Variants in CFAP299 observed in about 807,000 individuals in gnomAD.
CFAP299 encodes the protein cilia- and flagella-associated protein 299.
In CFAP299, 21 loss-of-function variants were observed where a neutral mutation model predicts 27.0. That is an observed-to-expected ratio of 0.78 (90% CI 0.55 to 1.12). The LOEUF is 1.12. Ranked by LOEUF, CFAP299 falls within the 50% of genes most tolerant of loss-of-function variation. The probability of loss-of-function intolerance (pLI) is 0.00; values close to 1 mark genes in which losing one functional copy is unlikely to be tolerated. For synonymous variants in CFAP299, 104 were observed against 98.1 expected (o/e 1.06, Z -0.36); for missense variants, 310 against 276.6 (o/e 1.12, Z -0.86).
chr4:80,901,954 C>T (rs975971308), intron 4 of CFAP299, among the ~76,000 whole-genome samples: 1 of 152,086 alleles, frequency 6.6e-6, no homozygotes, highest in Non-Finnish European at 1.5e-5. Context: ...TTGTTTCTCT[C>T]TCTGTCCTCT....
intron 2 of CFAP299, among the ~76,000 whole-genome samples, chr4:80,573,474 C>A (rs1327834770): frequency 1.3e-5 from 2 of 151,876 alleles, no homozygotes; most frequent in Non-Finnish European, 2.9e-5. Context: ...TGATGTGATC[C>A]CATTTTTCTA....
intron 3 of CFAP299, among the ~76,000 whole-genome samples, chr4:80,663,909 T>A (rs1454255927): frequency 6.6e-6 from 1 of 152,206 alleles, no homozygotes; most frequent in African/African-American, 2.4e-5. Context: ...TTTTTTCATA[T>A]GTTTGTTGGC....
intron 2 of CFAP299, among the ~76,000 whole-genome samples, chr4:80,538,102 C>T (rs1733830561): frequency 6.6e-6 from 1 of 151,974 alleles, no homozygotes; most frequent in South Asian, 2.1e-4. Flanking sequence ...GACATCGTAG[C>T]TATTGTAACA....
intron 3 of CFAP299, among the ~76,000 whole-genome samples, chr4:80,861,083 G>A (rs1001727876): frequency 1.3e-5 from 2 of 152,220 alleles, no homozygotes. Context: ...GCTTTCAGCT[G>A]CTTTGTTTAC....
intron 3 of CFAP299, among the ~76,000 whole-genome samples, chr4:80,856,831 G>A (rs1473214569): frequency 6.6e-6 from 1 of 152,036 alleles, no homozygotes; most frequent in Non-Finnish European, 1.5e-5. Context: ...TTGAAGTCAG[G>A]TAGCGTGATG....
At chr4:80,892,848 A>T (rs1338433607) in intron 4 of CFAP299, among the ~76,000 whole-genome samples, 1 of 152,140 alleles carries the variant, frequency 6.6e-6, no homozygotes, top group Non-Finnish European at 1.5e-5. Context: ...CAGCGCTTCT[A>T]CTCAATATAG....
At chr4:80,957,932 A>T (rs1407491981) in intron 5 of CFAP299, among the ~76,000 whole-genome samples, 1 of 152,178 alleles carries the variant, frequency 6.6e-6, no homozygotes, top group African/African-American at 2.4e-5. Flanking sequence ...TTTACCATAT[A>T]GGTCACCTTA....
chr4:80,364,954 G>A (rs977708421), intron 2 of CFAP299, among the ~76,000 whole-genome samples: 2 of 152,140 alleles, frequency 1.3e-5, no homozygotes, highest in African/African-American at 4.8e-5. Context: ...TTTTATGGCT[G>A]CATAGTATTC....
intron 2 of CFAP299, among the ~76,000 whole-genome samples, chr4:80,541,904 C>T (rs1176508507): frequency 6.6e-6 from 1 of 151,642 alleles, no homozygotes; most frequent in Admixed American, 6.6e-5. Flanking sequence ...GAGCCGTTAC[C>T]GTGCATGAAC....
chr4:80,856,446 G>T (rs1731894615), intron 3 of CFAP299, among the ~76,000 whole-genome samples: 1 of 151,938 alleles, frequency 6.6e-6, no homozygotes, highest in Non-Finnish European at 1.5e-5. Context: ...TGTTGCCATT[G>T]CTTTTGGTAT....
intron 1 of CFAP299, 107 bp from the exon 2 acceptor site, chr4:80,362,647 A>G: frequency 8.4e-7 from 1 of 1,196,002 alleles, no homozygotes; most frequent in Non-Finnish European, 1.1e-6. Context: ...TTAATTTTTC[A>G]TTTAAAGCAA....
At chr4:80,556,106 A>G (rs1340623664) in intron 2 of CFAP299, among the ~76,000 whole-genome samples, 1 of 152,048 alleles carries the variant, frequency 6.6e-6, no homozygotes, top group African/African-American at 2.4e-5. Flanking sequence ...TATGCAATCA[A>G]CTCCTATTCT....
chr4:80,535,486 C>A (rs1221358229), intron 2 of CFAP299, among the ~76,000 whole-genome samples: 1 of 121,716 alleles, frequency 8.2e-6, no homozygotes, highest in Non-Finnish European at 1.6e-5. Flanking sequence ...CAGAGCGAGA[C>A]TCCGTCTCAA....
intron 2 of CFAP299, among the ~76,000 whole-genome samples, chr4:80,367,387 C>A (rs556058142): frequency 6.6e-6 from 1 of 152,272 alleles, no homozygotes; most frequent in Admixed American, 6.5e-5. Context: ...GTTAATCAGG[C>A]AAAGAGTGGT....
intron 3 of CFAP299, among the ~76,000 whole-genome samples, chr4:80,782,550 CAT>C (rs1376912484): frequency 2.8e-5 from 4 of 141,376 alleles, no homozygotes; most frequent in Non-Finnish European, 3.0e-5. Context: ...GAATATATAA[CAT>C]ATTGATATAT....
chr4:80,851,610 A>T (rs1331688228), intron 3 of CFAP299, among the ~76,000 whole-genome samples: 2 of 152,274 alleles, frequency 1.3e-5, no homozygotes, highest in East Asian at 3.9e-4. Context: ...TGATCCATAA[A>T]GTAGAAGAAA....
chr4:80,821,581 C>T (rs1729708952), intron 3 of CFAP299, among the ~76,000 whole-genome samples: 1 of 152,148 alleles, frequency 6.6e-6, no homozygotes, highest in Non-Finnish European at 1.5e-5. Context: ...CATGTGAAGT[C>T]TTGTCCAAGT....
At chr4:80,480,111 C>A (rs1185511511) in intron 2 of CFAP299, among the ~76,000 whole-genome samples, 1 of 151,544 alleles carries the variant, frequency 6.6e-6, no homozygotes, top group Non-Finnish European at 1.5e-5. Flanking sequence ...GATTTAAAAC[C>A]TTTTATTGTG....
intron 3 of CFAP299, among the ~76,000 whole-genome samples, chr4:80,848,775 C>CA (rs1402435219): frequency 2.0e-5 from 3 of 151,500 alleles, no homozygotes; most frequent in Admixed American, 6.6e-5. Context: ...TACCCTGTCT[C>CA]AAAAAAACAA....
Sources: gnomAD v4.1 joint callset for allele counts (sites outside exome capture counted in the v4.1 genomes callset) on GRCh38, gnomAD v4.1.1 for gene constraint, MANE v1.5 for transcripts, NCBI Gene and HGNC (gene_info 2026-07-23, HGNC 2026-07-21) for gene names.